APBB2: variants seen among roughly 807,000 people sequenced by gnomAD.
The protein encoded by APBB2 is amyloid beta precursor protein binding family B member 2, also known as Fe65-like 1.
In APBB2, 38 loss-of-function variants were observed where a neutral mutation model predicts 82.5. The ratio of observed to expected loss-of-function variants is 0.46; its 90% CI spans 0.36 to 0.60. APBB2 has a LOEUF of 0.60. Ranked by LOEUF, APBB2 falls within the 20% of genes least tolerant of loss-of-function variation. The pLI, the probability that APBB2 is intolerant of heterozygous loss-of-function variation, is 0.00. For missense variants in APBB2, 772 were observed against 972.3 expected, an observed-to-expected ratio of 0.79 and a Z score of 2.74; for synonymous variants, 341 against 368.2, an observed-to-expected ratio of 0.93 and a Z score of 0.85.
At chr4:41,081,517 C>T (rs1737603915) in intron 3 of APBB2, among the ~76,000 whole-genome samples, 2 of 152,196 alleles carry the variant, frequency 1.3e-5, no homozygotes, top group African/African-American at 2.4e-5. Context: ...TAGCTAATCA[C>T]CTTTAATGCT....
At chr4:40,880,002 A>G (rs1450246375) in intron 12 of APBB2, 1 of 985,240 alleles carries the variant, frequency 1.0e-6, no homozygotes, top group East Asian at 1.1e-4. Flanking sequence ...GACCCAGGAC[A>G]ATATTTCAAG....
Position 41,014,376 on chromosome 4 carries a change from C to CAAGG in APBB2, c.38_41dup (p.Leu14PhefsTer28). The CAAGG allele has an allele frequency of 1.2e-6, 2 of 1,614,008 alleles. No individual in the cohort carries two copies. The highest frequency in any genetic ancestry group is 1.7e-6 in the Non-Finnish European group (2 of 1,180,004). On this transcript the variant is annotated frameshift_variant, in exon 6 of 18. Transcript: ENST00000508593. LOFTEE classifies it high-confidence loss of function. ...TTCCGCTGCTGGCCATAAACACTGC[C>CAAGG]AAGGTGTCAACACCTGAGTCAGCTG... is the stretch of plus-strand genomic sequence containing the variant.
chr4:40,960,368 G>T (rs1412516693), intron 6 of APBB2, among the ~76,000 whole-genome samples: 2 of 149,576 alleles, frequency 1.3e-5, no homozygotes, highest in African/African-American at 4.9e-5. Flanking sequence ...ATGGGGTTAA[G>T]ATATTTAAAT....
At chr4:41,160,079 G>A (rs1330942961) in intron 1 of APBB2, among the ~76,000 whole-genome samples, 1 of 151,796 alleles carries the variant, frequency 6.6e-6, no homozygotes, top group African/African-American at 2.4e-5. Context: ...GAGAAACAAT[G>A]CTTTTGGGAA....
intron 5 of APBB2, among the ~76,000 whole-genome samples, chr4:41,027,831 T>A (rs1022842098): frequency 2.6e-5 from 4 of 152,250 alleles, no homozygotes; most frequent in African/African-American, 7.2e-5. Flanking sequence ...GGTGGTTCTC[T>A]TGGATTCCTG....
chr4:41,037,038 A>T (rs1283158856), intron 4 of APBB2, among the ~76,000 whole-genome samples: 1 of 152,230 alleles, frequency 6.6e-6, no homozygotes, highest in Non-Finnish European at 1.5e-5. Flanking sequence ...AAGCTATTGA[A>T]TACTTAAAAG....
At chr4:41,201,854 T>A (rs750889370) in intron 1 of APBB2, among the ~76,000 whole-genome samples, 1 of 152,206 alleles carries the variant, frequency 6.6e-6, no homozygotes, top group Non-Finnish European at 1.5e-5. Context: ...GTCAGTAATA[T>A]ACACGGCCAA....
At position 41,192,483 on chromosome 4, in the gene APBB2, C is replaced by G. The variant is rs538378731; in HGVS notation, c.-417+21922G>C. Among the ~76,000 whole-genome samples the G allele has an allele frequency of 7.2e-5, 11 of 152,166 alleles. No homozygotes were observed. The South Asian group carries it at 2.3e-3, about 32-fold the overall frequency. On this transcript the variant is annotated intron_variant, in intron 1 of 17. Coordinates refer to ENST00000508593, the MANE Select transcript of APBB2 (RefSeq NM_004307.2). ...TTAAAAAAGGGGATCTTGCCATTGG[C>G]CACAACATGGACGAACCTAGAAGAT...
In APBB2 at chr4:41,131,183, C is replaced by T. The variant is rs530116207; in HGVS notation, c.-261+11804G>A. Among the ~76,000 whole-genome samples, 5 of 152,328 alleles carry T rather than the reference C, an allele frequency of 3.3e-5. No homozygotes were observed. In the East Asian group the frequency reaches 9.6e-4, roughly 29 times the overall value. Reference sequence around the variant, plus strand: ...GCTACACTGGAGCCTCATTCCTGAACAGCAGAAGCGAGAAGCTGAGCAGTA... The same window carrying T: ...GCTACACTGGAGCCTCATTCCTGAATAGCAGAAGCGAGAAGCTGAGCAGTA... On this transcript the variant is annotated intron_variant, in intron 2 of 17. Transcript: ENST00000508593.
At position 40,879,289 on chromosome 4, in the gene APBB2, T is replaced by C. The variant is rs1030962338; in HGVS notation, c.1529+11075A>G. 5.9e-5 allele frequency among the ~76,000 whole-genome samples: 9 copies of C among 151,984 alleles called. 1 individual carries two copies. Among genetic ancestry groups the C allele is most frequent in the African/African-American group, 2.2e-4 (9 of 41,408 alleles). Reference sequence around the variant, plus strand: ...TTGGCTCCCAAGTGAACAAGACTTTTTCAGTCCACCCAAAGGCTCAAGGCT... The same window carrying C: ...TTGGCTCCCAAGTGAACAAGACTTTCTCAGTCCACCCAAAGGCTCAAGGCT... On this transcript the variant is annotated intron_variant, in intron 12 of 17. Coordinates refer to ENST00000508593, the MANE Select transcript of APBB2 (RefSeq NM_004307.2).
chr4:40,995,798 G>A (rs1250060967), intron 6 of APBB2, among the ~76,000 whole-genome samples: 1 of 151,802 alleles, frequency 6.6e-6, no homozygotes, highest in Admixed American at 6.6e-5. Flanking sequence ...CCCTCCCAAA[G>A]TACTGGGGAT....
chr4:40,926,024 C>T (rs79704480), intron 10 of APBB2, among the ~76,000 whole-genome samples: 3 of 152,176 alleles, frequency 2.0e-5, no homozygotes, highest in African/African-American at 7.2e-5. Context: ...AAAGCTTTCA[C>T]AAAATCCAGT....
At chr4:40,938,850 C>T (rs2154377512) in intron 7 of APBB2, among the ~76,000 whole-genome samples, 1 of 152,348 alleles carries the variant, frequency 6.6e-6, no homozygotes, top group East Asian at 1.9e-4. Flanking sequence ...CTGTCCACTA[C>T]AAAACTCGCA....
intron 1 of APBB2, among the ~76,000 whole-genome samples, chr4:41,182,849 C>A (rs2154064901): frequency 6.6e-6 from 1 of 152,272 alleles, no homozygotes; most frequent in African/African-American, 2.4e-5. Flanking sequence ...GGGAAACCAC[C>A]CCCATGATTC....
At chr4:40,934,555 T>C in intron 9 of APBB2, 39 bp from the exon 10 acceptor site, 1 of 1,612,776 alleles carries the variant, frequency 6.2e-7, no homozygotes, top group Non-Finnish European at 8.5e-7. Context: ...AGAATTCTAT[T>C]GCAAACTATC....
At chr4:41,163,139 C>T (rs1288772664) in intron 1 of APBB2, among the ~76,000 whole-genome samples, 1 of 152,290 alleles carries the variant, frequency 6.6e-6, no homozygotes, top group East Asian at 1.9e-4. Context: ...TGCAATGTGA[C>T]ATAGAGGACA....
chr4:41,000,015 CA>C (rs11459243), intron 6 of APBB2, among the ~76,000 whole-genome samples: 1 of 122,956 alleles, frequency 8.1e-6, no homozygotes, highest in Non-Finnish European at 1.7e-5. Flanking sequence ...CCCGTATTTA[CA>C]AAAAAAAAAC....
At chr4:41,019,325 G>T (rs987186131) in intron 5 of APBB2, among the ~76,000 whole-genome samples, 1 of 152,208 alleles carries the variant, frequency 6.6e-6, no homozygotes, top group Admixed American at 6.5e-5. Context: ...CGTGATGAGA[G>T]AAGAGAAGGG....
chr4:40,949,951 G>C (rs1019043406), intron 6 of APBB2, among the ~76,000 whole-genome samples: 2 of 152,136 alleles, frequency 1.3e-5, no homozygotes, highest in Non-Finnish European at 1.5e-5. Flanking sequence ...GTCCTCTTAG[G>C]GGGTGAGATT....
Sources: allele counts gnomAD v4.1 joint callset (sites outside exome capture counted in the v4.1 genomes callset), GRCh38; gene constraint gnomAD v4.1.1; transcripts MANE v1.5; gene names NCBI Gene and HGNC (gene_info 2026-07-23, HGNC 2026-07-21).